Variants in LRP1B observed in about 807,000 individuals in gnomAD.
LRP1B encodes the protein low-density lipoprotein receptor-related protein 1B.
LRP1B carries 217 observed loss-of-function variants against 556.6 expected under a neutral mutation model. The ratio of observed to expected loss-of-function variants is 0.39; its 90% CI spans 0.35 to 0.44. The LOEUF (loss-of-function observed/expected upper bound fraction) is 0.44. LRP1B is among the 20% of genes least tolerant of loss of function. The probability of loss-of-function intolerance (pLI) is 1.00; values close to 1 mark genes in which losing one functional copy is unlikely to be tolerated. For missense variants in LRP1B, 5,053 were observed against 5,620.8 expected (o/e 0.90, Z 3.23); for synonymous variants, 2,047 against 1,865.8 (o/e 1.10, Z -2.50).
At chr2:141,187,065 T>C (rs1681293348) in intron 7 of LRP1B, among the ~76,000 whole-genome samples, 1 of 152,094 alleles carries the variant, frequency 6.6e-6, no homozygotes, top group South Asian at 2.1e-4. Flanking sequence ...CAAAAGAATG[T>C]TGTTAGTGCG....
rs374067024 is a variant in LRP1B at position 141,511,929 on chromosome 2, T to C, written c.206-31396A>G. 1.7e-4 allele frequency among the ~76,000 whole-genome samples: 26 copies of C among 152,262 alleles called. No homozygotes were observed. In the East Asian group the frequency reaches 1.7e-3, roughly 10 times the overall value. The stretch of plus-strand genomic sequence containing the variant: ...TTCTTATAAGAGGCATTTTTCCTAG[T>C]AAGTCATAAATTAATGGATCAGACA... On this transcript the variant is annotated intron_variant, in intron 2 of 90. Transcript: ENST00000389484.
intron 20 of LRP1B, among the ~76,000 whole-genome samples, chr2:140,929,787 C>CACACACAT (rs1289888030): frequency 6.6e-6 from 1 of 151,516 alleles, no homozygotes; most frequent in Admixed American, 6.6e-5. Context: ...CACACACACA[C>CACACACAT]ACACACACAG....
At chr2:140,584,919 A>G (rs1681923446) in intron 43 of LRP1B, among the ~76,000 whole-genome samples, 1 of 151,518 alleles carries the variant, frequency 6.6e-6, no homozygotes, top group South Asian at 2.1e-4. Flanking sequence ...TTTTATTCAG[A>G]GCATCCTTTT....
intron 84 of LRP1B, among the ~76,000 whole-genome samples, chr2:140,296,240 G>A (rs1390517503): frequency 6.6e-6 from 1 of 152,000 alleles, no homozygotes; most frequent in Non-Finnish European, 1.5e-5. Flanking sequence ...ATTACCTTCA[G>A]GCTTTGTGTA....
intron 35 of LRP1B, among the ~76,000 whole-genome samples, chr2:140,766,865 T>TATATATATATATAA (rs1559106499): frequency 1.7e-5 from 1 of 58,930 alleles, no homozygotes; most frequent in African/African-American, 4.1e-5. Context: ...TATATATATA[T>TATATATATATATAA]AATATATATA....
At chr2:140,919,468 T>C (rs966307378) in intron 21 of LRP1B, among the ~76,000 whole-genome samples, 1 of 152,114 alleles carries the variant, frequency 6.6e-6, no homozygotes, top group Non-Finnish European at 1.5e-5. Flanking sequence ...CTAGCAGTGA[T>C]ATGTATAGTT....
chr2:140,367,277 G>T (rs1183719936), intron 71 of LRP1B, among the ~76,000 whole-genome samples: 8 of 151,862 alleles, frequency 5.3e-5, no homozygotes, highest in Non-Finnish European at 1.2e-4. Context: ...AAACTGCTTA[G>T]TATCTTAAGT....
intron 7 of LRP1B, among the ~76,000 whole-genome samples, chr2:141,129,973 A>G (rs1411696556): frequency 6.6e-6 from 1 of 152,074 alleles, no homozygotes; most frequent in Non-Finnish European, 1.5e-5. Flanking sequence ...TAATAATTTT[A>G]ATATTTATTT....
chr2:141,721,178 G>T (rs1165070578), intron 2 of LRP1B, among the ~76,000 whole-genome samples: 1 of 152,150 alleles, frequency 6.6e-6, no homozygotes, highest in East Asian at 1.9e-4. Flanking sequence ...CATGGGGTAA[G>T]TTTCTTGTTG....
At position 140,603,228 on chromosome 2, in the gene LRP1B, A is replaced by G. The variant is rs572431553; in HGVS notation, c.6800-1589T>C. On this transcript the variant is annotated intron_variant, in intron 41 of 90. Coordinates refer to ENST00000389484, the MANE Select transcript of LRP1B (RefSeq NM_018557.3). ...GGTGATTAGTATGAAAATGTAGCCTAGAGATGACGGAAGAAAAATTATAAA... is the reference window on the plus strand; with the variant it reads ...GGTGATTAGTATGAAAATGTAGCCTGGAGATGACGGAAGAAAAATTATAAA... Among the ~76,000 whole-genome samples, 14 of 152,194 alleles carry G rather than the reference A, an allele frequency of 9.2e-5. No individual in the cohort carries two copies. In the East Asian group the frequency reaches 2.7e-3, roughly 29 times the overall value.
intron 48 of LRP1B, 62 bp from the exon 49 acceptor site, chr2:140,526,055 T>C (rs963296246): frequency 1.3e-6 from 2 of 1,548,538 alleles, no homozygotes; most frequent in Middle Eastern, 1.7e-4. Flanking sequence ...GAGCCTTCTA[T>C]GTAGGTCATA....
At chr2:141,041,067 T>C (rs967472411) in intron 11 of LRP1B, among the ~76,000 whole-genome samples, 6 of 152,056 alleles carry the variant, frequency 3.9e-5, no homozygotes, top group African/African-American at 1.4e-4. Flanking sequence ...TTTCCAGGTA[T>C]TTACAGGAGC....
chr2:141,099,262 C>G (rs891038838), intron 7 of LRP1B, among the ~76,000 whole-genome samples: 2 of 151,608 alleles, frequency 1.3e-5, no homozygotes, highest in African/African-American at 4.8e-5. Flanking sequence ...TTTTTCCTTA[C>G]AGGAGTAACT....
rs574435614 is a variant in LRP1B, at chr2:141,499,562, T to C, written c.206-19029A>G. 9.9e-5 allele frequency among the ~76,000 whole-genome samples: 15 copies of C among 152,134 alleles called. No homozygotes were observed. In the South Asian group the frequency reaches 2.7e-3, roughly 27 times the overall value. On this transcript the variant is annotated intron_variant, in intron 2 of 90. Transcript: ENST00000389484. ...CTTTGGAAGGTTCTTTATGTTCCTA[T>C]AGAGAGAGACAGGACTGGGTTCTGT...
intron 86 of LRP1B, among the ~76,000 whole-genome samples, chr2:140,262,396 T>C (rs138894439): frequency 2.0e-3 from 303 of 152,312 alleles, no homozygotes; most frequent in African/African-American, 7.1e-3. Flanking sequence ...AGTTTTTATA[T>C]GTACATACTA....
At chr2:141,464,606 A>ATATGTTTTTTTTTTTTTTTTTTTT in intron 3 of LRP1B, among the ~76,000 whole-genome samples, 1 of 90,562 alleles carries the variant, frequency 1.1e-5, no homozygotes, top group Non-Finnish European at 2.2e-5. Context: ...ATATATATAT[A>ATATGTTTTTTTTTTTTTTTTTTTT]TTTTTTTAGT....
In LRP1B at chr2:140,514,705, A is replaced by G. The variant is rs1315658254; in HGVS notation, c.8217T>C (p.Cys2739=). The G allele has an allele frequency of 6.2e-7, 1 of 1,612,734 alleles. No individual in the cohort carries two copies. Among genetic ancestry groups the G allele is most frequent in the East Asian group, 2.2e-5 (1 of 44,832 alleles). The change falls in exon 51 of 91, where the codon TGT becomes TGC. Residue 2739 remains cysteine (C), a synonymous_variant. Transcript: ENST00000389484. ...CATCCCCACAGTCATCTTCTCCATC[A>G]CAAATCCAATGCTTAGAAATACATT... ...AQKCISKHWI[C]DGEDDCGDGL...
chr2:140,654,039 A>AG (rs1469464580), intron 41 of LRP1B, among the ~76,000 whole-genome samples: 17 of 142,364 alleles, frequency 1.2e-4, no homozygotes, highest in Non-Finnish European at 2.4e-4. Flanking sequence ...AAAAAAAAAA[A>AG]AAAAAAAAAA....
chr2:141,376,374 G>A (rs560537923), intron 3 of LRP1B, among the ~76,000 whole-genome samples: 12 of 152,272 alleles, frequency 7.9e-5, no homozygotes, highest in East Asian at 1.9e-4. Context: ...CAGGAGGATC[G>A]CCTGACTGTC....
Sources: allele counts gnomAD v4.1 joint callset (sites outside exome capture counted in the v4.1 genomes callset), GRCh38; gene constraint gnomAD v4.1.1; transcripts MANE v1.5; gene names NCBI Gene and HGNC (gene_info 2026-07-23, HGNC 2026-07-21).